Variants in STYK1 observed in about 807,000 individuals in gnomAD.
The protein encoded by STYK1 is tyrosine-protein kinase STYK1.
In STYK1, 46 loss-of-function variants were observed where a neutral mutation model predicts 48.1. The ratio of observed to expected loss-of-function variants is 0.96; its 90% CI spans 0.75 to 1.22. The LOEUF is 1.22. Ranked by LOEUF, STYK1 falls within the 50% of genes most tolerant of loss-of-function variation. STYK1 has a pLI of 0.00. For missense variants in STYK1, 527 were observed against 521.1 expected (o/e 1.01, Z -0.11); for synonymous variants, 188 against 189.0 (o/e 0.99, Z 0.04).
intron 1 of STYK1, among the ~76,000 whole-genome samples, chr12:10,653,158 C>G (rs1002323920): frequency 6.6e-6 from 1 of 151,920 alleles, no homozygotes; most frequent in African/African-American, 2.4e-5. Flanking sequence ...CTGCAAGCTC[C>G]GCCTCCTGGG....
At chr12:10,634,216 C>A in intron 3 of STYK1, 92 bp from the exon 4 acceptor site, 1 of 1,440,544 alleles carries the variant, frequency 6.9e-7, no homozygotes. Flanking sequence ...CTCAGCTCAT[C>A]ATACATGAAA....
rs537676714 is a variant in STYK1, at chr12:10,635,252, C to T, written c.-68-566G>A. 3.9e-5 allele frequency among the ~76,000 whole-genome samples: 6 copies of T among 152,048 alleles called. No homozygotes were observed. In the South Asian group the frequency reaches 1.2e-3, roughly 32 times the overall value. ...CCTCCTGCCTCAATCCCCTGAGTCT[C>T]TGGAATTACAGGCATGAGCTACCAT... is the stretch of plus-strand genomic sequence containing the variant. On this transcript the variant is annotated intron_variant, in intron 2 of 10. Transcript: ENST00000075503.
intron 6 of STYK1, among the ~76,000 whole-genome samples, chr12:10,628,473 A>T (rs1015546374): frequency 6.6e-6 from 1 of 152,230 alleles, no homozygotes; most frequent in African/African-American, 2.4e-5. Context: ...GTGCAGTTAG[A>T]GGACAAAACA....
intron 1 of STYK1, among the ~76,000 whole-genome samples, chr12:10,665,359 T>G (rs1947823594): frequency 6.6e-6 from 1 of 152,208 alleles, no homozygotes; most frequent in Admixed American, 6.5e-5. Context: ...ATGCCCTATG[T>G]GTACAAGGGT....
intron 1 of STYK1, among the ~76,000 whole-genome samples, chr12:10,651,828 G>A (rs1254600394): frequency 6.6e-6 from 1 of 151,960 alleles, no homozygotes; most frequent in African/African-American, 2.4e-5. Flanking sequence ...CTTCTGCAAT[G>A]TATCTACTTT....
chr12:10,653,596 A>G (rs2120752712), intron 1 of STYK1, among the ~76,000 whole-genome samples: 1 of 152,360 alleles, frequency 6.6e-6, no homozygotes, highest in South Asian at 2.1e-4. Flanking sequence ...AATACCTTAT[A>G]TCATTTCCTC....
intron 7 of STYK1, among the ~76,000 whole-genome samples, chr12:10,625,496 C>A (rs2120609186): frequency 6.6e-6 from 1 of 152,282 alleles, no homozygotes; most frequent in South Asian, 2.1e-4. Flanking sequence ...GGATTACAGG[C>A]ATGAGCCACT....
At chr12:10,659,222 G>T (rs991197239) in intron 1 of STYK1, among the ~76,000 whole-genome samples, 5 of 152,118 alleles carry the variant, frequency 3.3e-5, no homozygotes, top group Non-Finnish European at 7.4e-5. Flanking sequence ...TCAGAGTCAA[G>T]AACATTTTTG....
At chr12:10,641,087 G>T (rs903732231) in intron 1 of STYK1, among the ~76,000 whole-genome samples, 23 of 151,978 alleles carry the variant, frequency 1.5e-4, no homozygotes, top group African/African-American at 5.3e-4. Context: ...TGCTGATTAC[G>T]TTCTCTTCCT....
chr12:10,624,844 TCTC>T lies in STYK1; in HGVS notation c.730_732del (p.Glu244del). ...GCCACATCCCCATGGAACAAATGCTTCTCCTGCAGGAATTCCTGTCAAGATAAA... is the reference window on the plus strand; with the variant it reads ...GCCACATCCCCATGGAACAAATGCTTCTGCAGGAATTCCTGTCAAGATAAA... On this transcript the variant is annotated inframe_deletion, in exon 8 of 11. Coordinates refer to ENST00000075503, the MANE Select transcript of STYK1 (RefSeq NM_018423.3). The T allele has an allele frequency of 6.2e-7, 1 of 1,614,036 alleles. No homozygotes were observed. The highest frequency in any genetic ancestry group is 8.5e-7 in the Non-Finnish European group (1 of 1,179,972).
chr12:10,629,777 A>T, intron 5 of STYK1, 103 bp from the exon 6 acceptor site: 1 of 1,349,484 alleles, frequency 7.4e-7, no homozygotes, highest in Non-Finnish European at 1.0e-6. Context: ...TCAAGGCCCC[A>T]CATGGGAGTG....
intron 1 of STYK1, among the ~76,000 whole-genome samples, chr12:10,665,748 T>G (rs1947827436): frequency 1.3e-5 from 2 of 152,212 alleles, no homozygotes; most frequent in African/African-American, 4.8e-5. Flanking sequence ...TGATGGAGCT[T>G]TAAGAATATT....
At chr12:10,639,387 T>C (rs1011088460) in intron 1 of STYK1, among the ~76,000 whole-genome samples, 1 of 151,990 alleles carries the variant, frequency 6.6e-6, no homozygotes, top group Non-Finnish European at 1.5e-5. Flanking sequence ...GATTAAGTTA[T>C]GAATTAGTGA....
chr12:10,658,783 C>T (rs1263893799), intron 1 of STYK1, among the ~76,000 whole-genome samples: 1 of 152,028 alleles, frequency 6.6e-6, no homozygotes, highest in Non-Finnish European at 1.5e-5. Context: ...GGTTATGTGT[C>T]CCAAAATTAT....
In STYK1 at chr12:10,631,246, C is replaced by T. The variant is rs1947425447; in HGVS notation, c.250G>A (p.Ala84Thr). 1 of 1,614,216 alleles carries T rather than the reference C, an allele frequency of 6.2e-7. No homozygotes were observed. The change falls in exon 5 of 11, where the codon GCT (alanine) becomes ACT (threonine). Residue 84 changes from alanine to threonine, a missense_variant. Physicochemically the swap from Ala to Thr is moderately conservative, Grantham distance 58. Transcript: ENST00000075503. Reference protein sequence around the residue: ...SWEAGHGGNVALPLKETSVEN... With the variant: ...SWEAGHGGNVTLPLKETSVEN... ...ACGGATGTCTCCTTAAGTGGCAAAG[C>T]CACATTTCCTCCATGTCCTGCTTCC...
In STYK1 at chr12:10,629,612, C is replaced by T. The variant is rs1483355413; in HGVS notation, c.514G>A (p.Gly172Arg). The T allele has an allele frequency of 6.2e-7, 1 of 1,614,130 alleles. No homozygotes were observed. The highest frequency in any genetic ancestry group is 2.2e-5 in the East Asian group (1 of 44,870). The change falls in exon 6 of 11, where the codon GGG (glycine) becomes AGG (arginine). Residue 172 changes from glycine (G) to arginine (R), a missense_variant. Transcript: ENST00000075503. ...AGCTGCACCAGGTTTTTGTGTTTCC[C>T]CAGGTATTGATGGAATTGGATTCGC... ...LGRIQFHQYL[G>R]KHKNLVQLEG...
At chr12:10,623,708 T>A (rs971628156) in intron 8 of STYK1, among the ~76,000 whole-genome samples, 1 of 152,004 alleles carries the variant, frequency 6.6e-6, no homozygotes, top group African/African-American at 2.4e-5. Context: ...ACTTAGAAAA[T>A]TGGGAAAAGT....
At chr12:10,636,894 T>C (rs547454819) in intron 2 of STYK1, among the ~76,000 whole-genome samples, 177 bp downstream of exon 2, 1 of 152,116 alleles carries the variant, frequency 6.6e-6, no homozygotes, top group Non-Finnish European at 1.5e-5. Flanking sequence ...TAATACATAC[T>C]GAAGGGAGTC....
At chr12:10,664,179 C>T (rs1051662211) in intron 1 of STYK1, among the ~76,000 whole-genome samples, 10 of 152,142 alleles carry the variant, frequency 6.6e-5, no homozygotes, top group Admixed American at 2.0e-4. Context: ...TAGGGCACTA[C>T]GTTCTGTAGT....
Sources: gnomAD v4.1 joint callset for allele counts (sites outside exome capture counted in the v4.1 genomes callset) on GRCh38, gnomAD v4.1.1 for gene constraint, MANE v1.5 for transcripts, NCBI Gene and HGNC (gene_info 2026-07-23, HGNC 2026-07-21) for gene names.